CDC14A: variants seen among roughly 807,000 people sequenced by gnomAD.
The protein encoded by CDC14A is dual specificity protein phosphatase CDC14A.
A neutral mutation model predicts 74.4 loss-of-function variants in CDC14A; 53 were observed. The observed-to-expected ratio is 0.71, with a 90% confidence interval of 0.57 to 0.89. The LOEUF (loss-of-function observed/expected upper bound fraction) is 0.89. Among genes scored for constraint, CDC14A ranks in the 40% least tolerant of loss-of-function variants. The probability of loss-of-function intolerance (pLI) is 0.00; values close to 1 mark genes in which losing one functional copy is unlikely to be tolerated. For missense variants in CDC14A, 646 were observed against 713.7 expected (o/e 0.91, Z 1.08); for synonymous variants, 247 against 258.4 (o/e 0.96, Z 0.43).
intron 2 of CDC14A, among the ~76,000 whole-genome samples, chr1:100,359,074 T>C (rs1477743488): frequency 6.6e-6 from 1 of 152,198 alleles, no homozygotes; most frequent in African/African-American, 2.4e-5. Context: ...TAAATTGCTA[T>C]GATATAGACA....
intron 5 of CDC14A, among the ~76,000 whole-genome samples, chr1:100,429,687 A>AATATAT (rs59832646): frequency 4.8e-5 from 7 of 144,508 alleles, no homozygotes; most frequent in African/African-American, 1.8e-4. Context: ...ACCATGGCAA[A>AATATAT]ATATATATAT....
intron 4 of CDC14A, among the ~76,000 whole-genome samples, chr1:100,423,184 G>T (rs1035486633): frequency 6.6e-6 from 1 of 151,946 alleles, no homozygotes; most frequent in Non-Finnish European, 1.5e-5. Flanking sequence ...GCTTTCTCCC[G>T]CCCCCTGTCC....
At chr1:100,427,292 T>G (rs1663072814) in intron 5 of CDC14A, among the ~76,000 whole-genome samples, 1 of 152,206 alleles carries the variant, frequency 6.6e-6, no homozygotes, top group Non-Finnish European at 1.5e-5. Context: ...TTTTTAAAAA[T>G]GAAGATGATT....
At chr1:100,354,186 A>G (rs1026181025) in intron 2 of CDC14A, among the ~76,000 whole-genome samples, 1 of 152,218 alleles carries the variant, frequency 6.6e-6, no homozygotes, top group Non-Finnish European at 1.5e-5. Flanking sequence ...TGAATCAGTC[A>G]CTAAGTATTT....
intron 11 of CDC14A, among the ~76,000 whole-genome samples, chr1:100,491,711 A>G (rs1350571197): frequency 6.8e-6 from 1 of 147,596 alleles, no homozygotes; most frequent in Non-Finnish European, 1.5e-5. Context: ...AGCTGGGATT[A>G]CAGGCACGCA....
chr1:100,362,876 G>A (rs1230856294), intron 2 of CDC14A, among the ~76,000 whole-genome samples: 1 of 152,166 alleles, frequency 6.6e-6, no homozygotes, highest in Non-Finnish European at 1.5e-5. Context: ...ACACGTGAGT[G>A]GGTTAAGGAG....
chr1:100,437,865 A>ATT (rs531836302), intron 5 of CDC14A, among the ~76,000 whole-genome samples: 1 of 147,674 alleles, frequency 6.8e-6, no homozygotes, highest in African/African-American at 2.5e-5. Flanking sequence ...ACATCTTGTA[A>ATT]TTTTTTTTTT....
At chr1:100,465,611 G>A (rs1331110025) in intron 9 of CDC14A, among the ~76,000 whole-genome samples, 2 of 152,180 alleles carry the variant, frequency 1.3e-5, no homozygotes, top group Non-Finnish European at 2.9e-5. Context: ...AACTTTGGTG[G>A]CTACTGAAAA....
chr1:100,431,638 T>C (rs1240067188), intron 5 of CDC14A, among the ~76,000 whole-genome samples: 1 of 151,652 alleles, frequency 6.6e-6, no homozygotes, highest in African/African-American at 2.4e-5. Flanking sequence ...ACCCATGAGT[T>C]AGAGACCAGT....
At chr1:100,458,675 G>A (rs1466813481) in intron 8 of CDC14A, among the ~76,000 whole-genome samples, 1 of 149,306 alleles carries the variant, frequency 6.7e-6, no homozygotes, top group Non-Finnish European at 1.5e-5. Flanking sequence ...TCCAATTACA[G>A]TGACGTCTTG....
At position 100,407,087 on chromosome 1, in the gene CDC14A, T is replaced by A. The variant is rs547569527; in HGVS notation, c.309+16263T>A. Among the ~76,000 whole-genome samples, 61 of 152,308 alleles carry A rather than the reference T, an allele frequency of 4.0e-4. No homozygotes were observed. In the South Asian group the frequency reaches 0.012, roughly 30 times the overall value. ...CTGTTCTTGTACCAGTACCATGTTG[T>A]TTGGTTACTGTAGCCTTGTAGTACA... is the stretch of plus-strand genomic sequence containing the variant. On this transcript the variant is annotated intron_variant, in intron 4 of 15. Coordinates refer to ENST00000336454, the MANE Select transcript of CDC14A (RefSeq NM_003672.4).
chr1:100,502,368 C>T (rs924445930), intron 15 of CDC14A, among the ~76,000 whole-genome samples: 4 of 152,184 alleles, frequency 2.6e-5, no homozygotes, highest in Non-Finnish European at 4.4e-5. Context: ...TGTTTAGACA[C>T]ACATACTTAC....
chr1:100,495,763 G>A (rs1328871595), intron 12 of CDC14A, among the ~76,000 whole-genome samples: 1 of 152,162 alleles, frequency 6.6e-6, no homozygotes, highest in Non-Finnish European at 1.5e-5. Context: ...TCTTTACTGA[G>A]TTCCTGATCT....
At chr1:100,507,515 G>T (rs968208832) in intron 15 of CDC14A, among the ~76,000 whole-genome samples, 20 of 151,678 alleles carry the variant, frequency 1.3e-4, no homozygotes, top group African/African-American at 4.6e-4. Flanking sequence ...GCCCAGGTTG[G>T]TCTCGAATTC....
intron 11 of CDC14A, among the ~76,000 whole-genome samples, chr1:100,487,041 A>T (rs1401617984): frequency 6.6e-6 from 1 of 152,200 alleles, no homozygotes; most frequent in Non-Finnish European, 1.5e-5. Flanking sequence ...GTAAGAATTT[A>T]ATGTGTTTCA....
chr1:100,377,902 A>ATGAGTCTCTATGTTGTTAT (rs368594510), intron 3 of CDC14A, among the ~76,000 whole-genome samples: 13 of 152,362 alleles, frequency 8.5e-5, no homozygotes, highest in African/African-American at 2.9e-4. Context: ...GCTGTTGTTA[A>ATGAGTCTCTATGTTGTTAT]TGAGTCTCTA....
chr1:100,441,230 A>G (rs1664892152), intron 6 of CDC14A, among the ~76,000 whole-genome samples: 1 of 152,190 alleles, frequency 6.6e-6, no homozygotes. Flanking sequence ...TTCCTGTTGT[A>G]GAGGAAAGGT....
intron 15 of CDC14A, among the ~76,000 whole-genome samples, chr1:100,503,936 A>G (rs1193401814): frequency 6.6e-6 from 1 of 152,074 alleles, no homozygotes; most frequent in Non-Finnish European, 1.5e-5. Context: ...CTGACCCCCA[A>G]CTCTGAGTTA....
chr1:100,475,663 G>A (rs1668817721), intron 10 of CDC14A, among the ~76,000 whole-genome samples: 1 of 152,132 alleles, frequency 6.6e-6, no homozygotes, highest in Non-Finnish European at 1.5e-5. Flanking sequence ...TCTTGTTGCT[G>A]GTGGGTGGAG....
Sources: gnomAD v4.1 joint callset for allele counts (sites outside exome capture counted in the v4.1 genomes callset) on GRCh38, gnomAD v4.1.1 for gene constraint, MANE v1.5 for transcripts, NCBI Gene and HGNC (gene_info 2026-07-23, HGNC 2026-07-21) for gene names.